Variants in GRIN2B observed in about 807,000 individuals in gnomAD.
GRIN2B encodes glutamate receptor ionotropic, NMDA 2B.
In GRIN2B, 5 loss-of-function variants were observed where a neutral mutation model predicts 114.5. The ratio of observed to expected loss-of-function variants is 0.04; its 90% CI spans 0.02 to 0.09. GRIN2B has a LOEUF of 0.09. Ranked by LOEUF, GRIN2B falls within the 10% of genes least tolerant of loss-of-function variation. GRIN2B has a pLI of 1.00. For synonymous variants in GRIN2B, 787 were observed against 745.1 expected (o/e 1.06, Z -0.92); for missense variants, 1,108 against 1,943.5 (o/e 0.57, Z 8.08).
intron 2 of GRIN2B, among the ~76,000 whole-genome samples, chr12:13,867,798 C>T (rs1245996635): frequency 6.6e-6 from 1 of 151,750 alleles, no homozygotes; most frequent in Non-Finnish European, 1.5e-5. Context: ...ACTCTACAAA[C>T]TGCAACCAGA....
intron 2 of GRIN2B, among the ~76,000 whole-genome samples, chr12:13,908,634 T>C (rs887474410): frequency 3.3e-5 from 5 of 152,178 alleles, no homozygotes; most frequent in African/African-American, 1.2e-4. Flanking sequence ...ACCTTGCACC[T>C]GATCTTTGAG....
At chr12:13,927,611 T>A (rs1866940682) in intron 2 of GRIN2B, among the ~76,000 whole-genome samples, 1 of 150,746 alleles carries the variant, frequency 6.6e-6, no homozygotes. Flanking sequence ...GAACTAACGA[T>A]GTCCCAGTGA....
Position 13,879,935 on chromosome 12 carries a change from A to G in GRIN2B, c.-18-13709T>C, listed in dbSNP as rs79656205. Among the ~76,000 whole-genome samples, 78 of 152,370 alleles carry G rather than the reference A, an allele frequency of 5.1e-4. 1 individual carries two copies. The highest frequency in any genetic ancestry group is 1.5e-3 in the African/African-American group (61 of 41,590). On this transcript the variant is annotated intron_variant, in intron 2 of 13. Coordinates refer to ENST00000609686, the MANE Select transcript of GRIN2B (RefSeq NM_000834.5). ...CTGAAAACTTGACTTACGACTTCAC[A>G]CACCAGCTTCTATCCCTCTGTCCTC...
At chr12:13,794,207 C>CAAAAAAAA (rs3082833) in intron 3 of GRIN2B, among the ~76,000 whole-genome samples, 8 of 102,580 alleles carry the variant, frequency 7.8e-5, no homozygotes, top group African/African-American at 1.6e-4. Context: ...GACTCTGTCT[C>CAAAAAAAA]AAAAAAAAAA....
rs929888409 is a variant in GRIN2B, at chr12:13,539,638, A to G, written c.*23145T>C. 6.6e-6 allele frequency: 1 copy of G among 152,188 alleles called. No individual in the cohort carries two copies. The highest frequency in any genetic ancestry group is 1.5e-5 in the Non-Finnish European group (1 of 68,034). The allele number at this position is 152,188 out of a possible 1,614,324, so 9.4% of individuals were successfully genotyped here. ...GCATTAAAGAGTAAAACAATTACCA[A>G]TTTACATTGTCTTCATTAATATTGG... On this transcript the variant is annotated 3_prime_UTR_variant, in exon 14 of 14. Coordinates refer to ENST00000609686, the MANE Select transcript of GRIN2B (RefSeq NM_000834.5).
intron 5 of GRIN2B, among the ~76,000 whole-genome samples, chr12:13,659,321 G>T (rs928527554): frequency 1.3e-5 from 2 of 152,144 alleles, no homozygotes; most frequent in African/African-American, 4.8e-5. Context: ...GTAGGTTACA[G>T]ATTTATTCCA....
chr12:13,749,744 CTGCTTTTGAGCG>C (rs1177455671), intron 4 of GRIN2B, among the ~76,000 whole-genome samples: 5 of 152,188 alleles, frequency 3.3e-5, no homozygotes, highest in Non-Finnish European at 7.3e-5. Context: ...GATTCCACTG[CTGCTTTTGAGCG>C]TGCTGTGCCT....
At chr12:13,878,300 T>A (rs1196647522) in intron 2 of GRIN2B, among the ~76,000 whole-genome samples, 1 of 152,212 alleles carries the variant, frequency 6.6e-6, no homozygotes, top group Admixed American at 6.5e-5. Context: ...ATCACTTGAC[T>A]GAAGGTCACA....
At chr12:13,924,681 G>A (rs1866885050) in intron 2 of GRIN2B, among the ~76,000 whole-genome samples, 1 of 152,170 alleles carries the variant, frequency 6.6e-6, no homozygotes, top group African/African-American at 2.4e-5. Context: ...AGAATGGGAA[G>A]AGGATCTAGA....
intron 2 of GRIN2B, among the ~76,000 whole-genome samples, chr12:13,944,521 T>A (rs570738281): frequency 6.6e-6 from 1 of 152,332 alleles, no homozygotes; most frequent in African/African-American, 2.4e-5. Flanking sequence ...AGACACTTAC[T>A]GAGATGCCTT....
At position 13,571,182 on chromosome 12, in the gene GRIN2B, C is replaced by T. The variant is rs113593817; in HGVS notation, c.2171+622G>A. On this transcript the variant is annotated intron_variant, in intron 11 of 13. Coordinates refer to ENST00000609686, the MANE Select transcript of GRIN2B (RefSeq NM_000834.5). ...CTACGAGACCCCTTGACCTCCAAAT[C>T]CCAACATCTATAATGCTCTGTTATC... 3.7e-4 allele frequency among the ~76,000 whole-genome samples: 56 copies of T among 152,276 alleles called. 1 individual carries two copies. Among genetic ancestry groups the T allele is most frequent in the African/African-American group, 1.3e-3 (55 of 41,552 alleles).
At chr12:13,900,205 G>T (rs1165691920) in intron 2 of GRIN2B, among the ~76,000 whole-genome samples, 1 of 152,140 alleles carries the variant, frequency 6.6e-6, no homozygotes, top group African/African-American at 2.4e-5. Context: ...CGGGCACGGT[G>T]GCTCATGCCT....
intron 3 of GRIN2B, among the ~76,000 whole-genome samples, chr12:13,788,203 T>C (rs1864252290): frequency 6.6e-6 from 1 of 152,202 alleles, no homozygotes; most frequent in South Asian, 2.1e-4. Context: ...AGAGAGATTA[T>C]GTGTGATGAA....
intron 12 of GRIN2B, among the ~76,000 whole-genome samples, chr12:13,568,334 T>C (rs1320097758): frequency 6.6e-6 from 1 of 152,212 alleles, no homozygotes. Flanking sequence ...CCTATTCCCA[T>C]AGTTCTACTT....
At chr12:13,596,956 C>T (rs1949081709) in intron 10 of GRIN2B, among the ~76,000 whole-genome samples, 2 of 152,090 alleles carry the variant, frequency 1.3e-5, no homozygotes, top group South Asian at 4.1e-4. Flanking sequence ...AGAAGCATGC[C>T]CTACTTTCCT....
At chr12:13,942,643 T>C (rs977360019) in intron 2 of GRIN2B, among the ~76,000 whole-genome samples, 2 of 152,208 alleles carry the variant, frequency 1.3e-5, no homozygotes, top group African/African-American at 2.4e-5. Context: ...TCATCTATTT[T>C]CTATAAAGTT....
intron 3 of GRIN2B, among the ~76,000 whole-genome samples, chr12:13,848,496 T>C (rs545639698): frequency 1.6e-4 from 25 of 152,152 alleles, no homozygotes; most frequent in African/African-American, 6.0e-4. Flanking sequence ...GTAGGAGCTG[T>C]CAAATGACAG....
At chr12:13,740,904 T>A (rs1414889626) in intron 4 of GRIN2B, among the ~76,000 whole-genome samples, 1 of 151,380 alleles carries the variant, frequency 6.6e-6, no homozygotes. Context: ...GGACAGAGAG[T>A]GAGATGAGCA....
chr12:13,860,473 T>G (rs1001294859), intron 3 of GRIN2B, among the ~76,000 whole-genome samples: 1 of 152,074 alleles, frequency 6.6e-6, no homozygotes, highest in Non-Finnish European at 1.5e-5. Context: ...TGATTACAGG[T>G]GTGCGTCACC....
Sources: allele counts gnomAD v4.1 joint callset (sites outside exome capture counted in the v4.1 genomes callset), GRCh38; gene constraint gnomAD v4.1.1; transcripts MANE v1.5; gene names NCBI Gene and HGNC (gene_info 2026-07-23, HGNC 2026-07-21).